The following GOLGA4 variants were observed in gnomAD, a reference collection of about 807,000 sequenced individuals.
The protein encoded by GOLGA4 is golgin subfamily A member 4.
In GOLGA4, 169 loss-of-function variants were observed where a neutral mutation model predicts 265.9. The ratio of observed to expected loss-of-function variants is 0.64; its 90% CI spans 0.56 to 0.72. The LOEUF (loss-of-function observed/expected upper bound fraction) is 0.72, where lower values mean the gene tolerates loss of function less well. GOLGA4 is among the 30% of genes least tolerant of loss of function. GOLGA4 has a pLI of 0.00. For synonymous variants in GOLGA4, 923 were observed against 855.8 expected, an observed-to-expected ratio of 1.08 and a Z score of -1.37; for missense variants, 2,482 against 2,483.4, an observed-to-expected ratio of 1.00 and a Z score of 0.01.
chr3:37,366,253 ATT>A lies in GOLGA4; in HGVS notation c.*210_*211del. ...AAGTTGCAGACTGCCTTTAAAATAG[ATT>A]TTATCAGTGGAGAAATGGTGATAGT... On this transcript the variant is annotated 3_prime_UTR_variant, in exon 24 of 24. Coordinates refer to ENST00000361924, the MANE Select transcript of GOLGA4 (RefSeq NM_002078.5). The A allele has an allele frequency of 1.0e-5, 5 of 496,390 alleles. No homozygotes were observed. The highest frequency in any genetic ancestry group is 1.7e-5 in the Non-Finnish European group (5 of 285,918). The allele number at this position is 496,390 out of a possible 1,614,324, so 30.7% of individuals were successfully genotyped here. A position where few individuals can be genotyped will look rare whatever the true frequency, so the allele number is the denominator to read the frequency against.
chr3:37,324,838 G>C lies in GOLGA4; in HGVS notation c.2952G>C (p.Glu984Asp). Residue 984 changes from glutamate to aspartate, a missense_variant, in exon 14 of 24, where the codon GAG becomes GAC. Physicochemically the swap from Glu to Asp is conservative, Grantham distance 45. Coordinates refer to ENST00000361924, the MANE Select transcript of GOLGA4 (RefSeq NM_002078.5). ...ATCAGGAAGCCAAACTTAAGAAAGA[G>C]CTTGAAAATACTGCTCTAGAGCTTA... is the stretch of plus-strand genomic sequence containing the variant. ...LLDQEAKLKKELENTALELSQ... is the reference protein window; with the variant it reads ...LLDQEAKLKKDLENTALELSQ... The C allele has an allele frequency of 6.3e-7, 1 of 1,584,438 alleles. No homozygotes were observed. The highest frequency in any genetic ancestry group is 8.5e-7 in the Non-Finnish European group (1 of 1,172,608).
At chr3:37,282,540 C>T (rs954649802) in intron 3 of GOLGA4, among the ~76,000 whole-genome samples, 3 of 152,216 alleles carry the variant, frequency 2.0e-5, no homozygotes, top group African/African-American at 7.2e-5. Context: ...CTGTTCCCCT[C>T]TCCTTTCGTA....
At chr3:37,352,674 G>C (rs2097078359) in intron 21 of GOLGA4, among the ~76,000 whole-genome samples, 1 of 151,902 alleles carries the variant, frequency 6.6e-6, no homozygotes, top group African/African-American at 2.4e-5. Context: ...TTAGGGCCTT[G>C]CTCTGGATTA....
intron 5 of GOLGA4, among the ~76,000 whole-genome samples, chr3:37,292,440 C>T (rs553342607): frequency 6.6e-6 from 1 of 152,290 alleles, no homozygotes; most frequent in Non-Finnish European, 1.5e-5. Context: ...GTAATCCCAG[C>T]ACTTTGGGAG....
chr3:37,319,239 A>T (rs1216151226), intron 12 of GOLGA4, 45 bp downstream of exon 12: 2 of 1,461,996 alleles, frequency 1.4e-6, no homozygotes, highest in Non-Finnish European at 9.4e-7. Context: ...TACTTCTCAG[A>T]GTTACAAAGT....
chr3:37,261,377 A>T (rs1282954968), intron 2 of GOLGA4, among the ~76,000 whole-genome samples: 1 of 152,168 alleles, frequency 6.6e-6, no homozygotes, highest in Non-Finnish European at 1.5e-5. Flanking sequence ...ATCTGAGTTC[A>T]CAAACAAGGT....
At chr3:37,328,314 A>G (rs2096979024) in intron 14 of GOLGA4, 102 bp from the exon 15 acceptor site, 2 of 1,118,524 alleles carry the variant, frequency 1.8e-6, no homozygotes, top group African/African-American at 1.6e-5. Flanking sequence ...AAATGTTTTC[A>G]TACAATGAAC....
chr3:37,286,876 CTATTA>C (rs1578509281), intron 4 of GOLGA4, among the ~76,000 whole-genome samples: 2 of 152,092 alleles, frequency 1.3e-5, no homozygotes, highest in African/African-American at 4.8e-5. Context: ...GGATAAGAAA[CTATTA>C]TATTCAGGGT....
rs2096841866 is a variant in GOLGA4, at chr3:37,284,143, G to T, written c.477+1871G>T. ...ATGTTGTAAATGACCTCTGATTCTT[G>T]GGTTACTCTTCCACACACAACCCCC... On this transcript the variant is annotated intron_variant, in intron 3 of 23. Coordinates refer to ENST00000361924, the MANE Select transcript of GOLGA4 (RefSeq NM_002078.5). 1.3e-5 allele frequency among the ~76,000 whole-genome samples: 2 copies of T among 151,992 alleles called. 1 individual carries two copies. The highest frequency in any genetic ancestry group is 4.8e-5 in the African/African-American group (2 of 41,310).
intron 2 of GOLGA4, chr3:37,276,543 C>T (rs956165564): frequency 1.9e-6 from 3 of 1,599,492 alleles, no homozygotes; most frequent in Admixed American, 1.7e-5. Context: ...GCTGATGAAC[C>T]AGTGACAACA....
At chr3:37,350,988 GAC>G (rs1278904059) in intron 21 of GOLGA4, among the ~76,000 whole-genome samples, 4 of 152,034 alleles carry the variant, frequency 2.6e-5, no homozygotes, top group Admixed American at 2.6e-4. Flanking sequence ...ATTTTCCTAA[GAC>G]AGCAATGACA....
At chr3:37,328,895 A>C in intron 15 of GOLGA4, 68 bp from the exon 16 acceptor site, 2 of 1,263,050 alleles carry the variant, frequency 1.6e-6, no homozygotes, top group East Asian at 4.9e-5. Flanking sequence ...GTTGTTACTG[A>C]AATTGAGATA....
chr3:37,253,594 T>C (rs186923704), intron 2 of GOLGA4, among the ~76,000 whole-genome samples: 93 of 152,160 alleles, frequency 6.1e-4, no homozygotes, highest in African/African-American at 2.2e-3. Context: ...AAGAAATAAA[T>C]AAACTTTAGC....
Position 37,316,235 on chromosome 3 carries a change from G to A in GOLGA4, c.1413+637G>A, listed in dbSNP as rs1278032488. On this transcript the variant is annotated intron_variant, in intron 11 of 23. Transcript: ENST00000361924. The stretch of plus-strand genomic sequence containing the variant: ...TTTTGCTTGTTTTTCCTCCTGTCAT[G>A]TTTGCCTTTCTTGCCACTTTGCTCA... Among the ~76,000 whole-genome samples the A allele has an allele frequency of 8.9e-5, 12 of 135,060 alleles. No homozygotes were observed. The Admixed American group carries it at 9.2e-4, about 10-fold the overall frequency. 88.6% of individuals were successfully genotyped at this position (135,060 alleles called of 152,430 possible). A position where few individuals can be genotyped will look rare whatever the true frequency, so the allele number is the denominator to read the frequency against.
At chr3:37,289,762 C>A (rs1459613599) in intron 5 of GOLGA4, among the ~76,000 whole-genome samples, 1 of 152,148 alleles carries the variant, frequency 6.6e-6, no homozygotes, top group Non-Finnish European at 1.5e-5. Flanking sequence ...CCTGGTTTGA[C>A]CTGCTGTCTC....
In GOLGA4 at chr3:37,327,790, G is replaced by C; in HGVS notation, c.5904G>C (p.Lys1968Asn). ...ATCAGCAAGAATTGGAAATACTAAA[G>C]AAAGAATATGATCAAGAAAGGGAAG... is the stretch of plus-strand genomic sequence containing the variant. ...KEHQQELEIL[K>N]KEYDQEREEK... Residue 1968 changes from lysine to asparagine, a missense_variant, in exon 14 of 24, where the codon AAG (lysine) becomes AAC (asparagine). Lys to Asn is a moderately conservative substitution (Grantham distance 94). Around this residue, in one of 3 missense-constraint regions of GOLGA4, gnomAD observed 942 missense variants for 983.1 expected, o/e 0.96. Coordinates refer to ENST00000361924, the MANE Select transcript of GOLGA4 (RefSeq NM_002078.5). 6.2e-7 allele frequency: 1 copy of C among 1,610,668 alleles called. No individual in the cohort carries two copies. Among genetic ancestry groups the C allele is most frequent in the Non-Finnish European group, 8.5e-7 (1 of 1,177,544 alleles).
At chr3:37,299,392 AT>A in intron 9 of GOLGA4, 21 bp downstream of exon 9, 1 of 1,513,814 alleles carries the variant, frequency 6.6e-7, no homozygotes. Context: ...AAAACCTATG[AT>A]ACTAAAATTT....
chr3:37,356,384 T>C (rs1311476028), intron 22 of GOLGA4, among the ~76,000 whole-genome samples: 1 of 152,142 alleles, frequency 6.6e-6, no homozygotes, highest in African/African-American at 2.4e-5. Context: ...GTCCCAATGC[T>C]TCATTGTATA....
At chr3:37,350,905 A>T (rs1381550568) in intron 21 of GOLGA4, among the ~76,000 whole-genome samples, 1 of 152,104 alleles carries the variant, frequency 6.6e-6, no homozygotes, top group African/African-American at 2.4e-5. Context: ...TTGCTAGTGG[A>T]GGATATTACC....
Sources: allele counts gnomAD v4.1 joint callset (sites outside exome capture counted in the v4.1 genomes callset), GRCh38; gene constraint gnomAD v4.1.1; regional missense constraint gnomAD v4.1.1; transcripts MANE v1.5; gene names NCBI Gene and HGNC (gene_info 2026-07-23, HGNC 2026-07-21).